XRCC5: variants seen among roughly 807,000 people sequenced by gnomAD.
The protein encoded by XRCC5 is X-ray repair cross complementing 5.
XRCC5 carries 12 observed loss-of-function variants against 95.7 expected under a neutral mutation model. That is an observed-to-expected ratio of 0.13 (90% CI 0.08 to 0.20). The LOEUF is 0.20. Ranked by LOEUF, XRCC5 falls within the 10% of genes least tolerant of loss-of-function variation. XRCC5 has a pLI of 1.00. For synonymous variants in XRCC5, 281 were observed against 290.3 expected (o/e 0.97, Z 0.33); for missense variants, 595 against 873.9 (o/e 0.68, Z 4.02).
At chr2:216,121,519 T>C (rs1696811066) in intron 5 of XRCC5, among the ~76,000 whole-genome samples, 1 of 152,102 alleles carries the variant, frequency 6.6e-6, no homozygotes, top group South Asian at 2.1e-4. Flanking sequence ...TGGAAGGACA[T>C]AAAAGGCAAA....
intron 20 of XRCC5, 89 bp downstream of exon 20, chr2:216,204,485 G>C (rs1689905035): frequency 8.4e-6 from 12 of 1,425,330 alleles, no homozygotes; most frequent in Non-Finnish European, 1.2e-5. Context: ...TCTTACACTT[G>C]TTGCTTATTT....
At chr2:216,160,297 A>G (rs1055993539) in intron 15 of XRCC5, 136 bp downstream of exon 15, 1 of 525,614 alleles carries the variant, frequency 1.9e-6, no homozygotes, top group Non-Finnish European at 3.3e-6. Flanking sequence ...TCCTTGCTCT[A>G]TAGAAGCCAA....
intron 14 of XRCC5, among the ~76,000 whole-genome samples, chr2:216,149,480 TTCAC>T (rs1688702773): frequency 6.6e-6 from 1 of 152,202 alleles, no homozygotes; most frequent in Admixed American, 6.5e-5. Flanking sequence ...TCCCTAAAAA[TTCAC>T]TTTCCCCCTG....
At chr2:216,161,249 C>A (rs994360376) in intron 15 of XRCC5, among the ~76,000 whole-genome samples, 6 of 152,174 alleles carry the variant, frequency 3.9e-5, no homozygotes, top group Non-Finnish European at 8.8e-5. Context: ...TATATCCAAG[C>A]AAACTGGAAG....
intron 2 of XRCC5, among the ~76,000 whole-genome samples, chr2:216,114,727 C>G (rs189753540): frequency 6.6e-6 from 1 of 152,152 alleles, no homozygotes; most frequent in Non-Finnish European, 1.5e-5. Flanking sequence ...ACAGAAAACA[C>G]CTGGAGTTAG....
At chr2:216,168,838 C>T (rs1689100131) in intron 16 of XRCC5, among the ~76,000 whole-genome samples, 1 of 152,238 alleles carries the variant, frequency 6.6e-6, no homozygotes, top group Admixed American at 6.5e-5. Context: ...TATCCCCATT[C>T]TACTGATAGA....
At chr2:216,184,715 A>G (rs1689460953) in intron 16 of XRCC5, among the ~76,000 whole-genome samples, 2 of 152,186 alleles carry the variant, frequency 1.3e-5, no homozygotes. Flanking sequence ...TCCTGACCTC[A>G]GGTGATCCGC....
chr2:216,190,428 T>C (rs12466253), intron 17 of XRCC5, 94 bp downstream of exon 17: 140,865 of 1,086,802 alleles, frequency 0.13, 11,473 homozygotes, highest in African/African-American at 0.36. Flanking sequence ...GTCTGGGCCG[T>C]GGAAATTATC....
intron 13 of XRCC5, among the ~76,000 whole-genome samples, chr2:216,145,925 T>C (rs912511295): frequency 1.8e-4 from 28 of 152,242 alleles, no homozygotes; most frequent in African/African-American, 6.5e-4. Flanking sequence ...ATTACTGCTT[T>C]ACATCTTTAG....
chr2:216,195,081 A>C, intron 19 of XRCC5, 95 bp downstream of exon 19: 1 of 1,141,160 alleles, frequency 8.8e-7, no homozygotes, highest in South Asian at 1.3e-5. Context: ...TGGGTAACTA[A>C]ATTAGTGTAC....
chr2:216,164,569 C>T (rs767727273), intron 16 of XRCC5, among the ~76,000 whole-genome samples: 13 of 152,148 alleles, frequency 8.5e-5, no homozygotes, highest in Non-Finnish European at 1.5e-4. Flanking sequence ...GAGTCTCCAT[C>T]CCCAGACTTG....
intron 10 of XRCC5, 46 bp downstream of exon 10, chr2:216,132,433 G>T (rs1342461233): frequency 2.5e-6 from 4 of 1,592,418 alleles, no homozygotes; most frequent in Non-Finnish European, 3.4e-6. Flanking sequence ...GAATTGAATT[G>T]TAAGTCTATG....
At chr2:216,177,917 G>T (rs370481822) in intron 16 of XRCC5, among the ~76,000 whole-genome samples, 3 of 152,330 alleles carry the variant, frequency 2.0e-5, no homozygotes, top group East Asian at 3.9e-4. Context: ...GTATGGGATT[G>T]TAAGGAGGGT....
intron 14 of XRCC5, among the ~76,000 whole-genome samples, chr2:216,155,549 CTG>C (rs1688825440): frequency 6.6e-6 from 1 of 152,058 alleles, no homozygotes; most frequent in African/African-American, 2.4e-5. Flanking sequence ...GGAATGTAAA[CTG>C]TTACAGTAGG....
intron 5 of XRCC5, among the ~76,000 whole-genome samples, chr2:216,120,950 G>C (rs1453624310): frequency 6.6e-6 from 1 of 152,118 alleles, no homozygotes; most frequent in Non-Finnish European, 1.5e-5. Flanking sequence ...TGGCCAGGCT[G>C]GTCTTGAACT....
chr2:216,134,845 C>A (rs1258412205), intron 10 of XRCC5, among the ~76,000 whole-genome samples: 1 of 152,040 alleles, frequency 6.6e-6, no homozygotes, highest in Non-Finnish European at 1.5e-5. Context: ...CTTATCTAGC[C>A]CTTTCTTATG....
intron 16 of XRCC5, among the ~76,000 whole-genome samples, chr2:216,187,946 G>A (rs957968913): frequency 1.4e-5 from 2 of 147,332 alleles, no homozygotes; most frequent in African/African-American, 2.5e-5. Context: ...CTATCCAACC[G>A]CTAAAATTTC....
At chr2:216,157,192 T>G (rs73058475) in intron 14 of XRCC5, among the ~76,000 whole-genome samples, 1 of 152,024 alleles carries the variant, frequency 6.6e-6, no homozygotes, top group Non-Finnish European at 1.5e-5. Flanking sequence ...TTGCACCTTA[T>G]GCTTTAACCC....
intron 2 of XRCC5, 137 bp from the exon 3 acceptor site, chr2:216,116,522 T>G: frequency 1.1e-6 from 1 of 889,220 alleles, no homozygotes; most frequent in Non-Finnish European, 1.8e-6. Context: ...AGTCTCATGT[T>G]TCATCCCGCC....
Sources: allele counts gnomAD v4.1 joint callset (sites outside exome capture counted in the v4.1 genomes callset), GRCh38; gene constraint gnomAD v4.1.1; transcripts MANE v1.5; gene names NCBI Gene and HGNC (gene_info 2026-07-23, HGNC 2026-07-21).